EPHA3: variants seen among roughly 807,000 people sequenced by gnomAD.
EPHA3 encodes EPH receptor A3, also known as ephrin type-A receptor 3.
A neutral mutation model predicts 107.1 loss-of-function variants in EPHA3; 42 were observed. The observed-to-expected ratio is 0.39, with a 90% CI of 0.31 to 0.51. EPHA3 has a LOEUF of 0.51. EPHA3 is among the 20% of genes least tolerant of loss of function. The probability of loss-of-function intolerance (pLI) is 0.78; values close to 1 mark genes in which losing one functional copy is unlikely to be tolerated. For synonymous variants in EPHA3, 461 were observed against 424.8 expected (o/e 1.09, Z -1.05); for missense variants, 1,183 against 1,211.2 (o/e 0.98, Z 0.35).
intron 2 of EPHA3, among the ~76,000 whole-genome samples, chr3:89,172,517 ACTC>A (rs1337618313): frequency 6.6e-6 from 1 of 152,036 alleles, no homozygotes; most frequent in East Asian, 1.9e-4. Flanking sequence ...CTAGGGCTGT[ACTC>A]CTCTGACATA....
chr3:89,319,065 G>A (rs539642665), intron 3 of EPHA3, among the ~76,000 whole-genome samples: 1 of 151,930 alleles, frequency 6.6e-6, no homozygotes, highest in South Asian at 2.1e-4. Context: ...TTCACCATTT[G>A]TCATTTTCTG....
At chr3:89,120,968 G>A (rs960378983) in intron 1 of EPHA3, among the ~76,000 whole-genome samples, 3 of 152,148 alleles carry the variant, frequency 2.0e-5, no homozygotes, top group African/African-American at 4.8e-5. Context: ...AGCCTGGCAC[G>A]GTGGCTCACA....
intron 5 of EPHA3, among the ~76,000 whole-genome samples, chr3:89,384,233 G>A (rs1374390963): frequency 6.6e-6 from 1 of 151,972 alleles, no homozygotes; most frequent in Non-Finnish European, 1.5e-5. Context: ...GTGGAAACCA[G>A]TGAATTAAGA....
At chr3:89,118,706 T>C (rs1480571754) in intron 1 of EPHA3, among the ~76,000 whole-genome samples, 1 of 151,900 alleles carries the variant, frequency 6.6e-6, no homozygotes, top group Non-Finnish European at 1.5e-5. Context: ...ATTATAATAA[T>C]TTATTGTCTG....
chr3:89,309,379 C>G (rs1468978839), intron 3 of EPHA3, among the ~76,000 whole-genome samples: 1 of 152,068 alleles, frequency 6.6e-6, no homozygotes, highest in Non-Finnish European at 1.5e-5. Context: ...ATTTAGAAAC[C>G]TCTGGAAAAG....
intron 5 of EPHA3, among the ~76,000 whole-genome samples, chr3:89,394,716 A>G (rs575539517): frequency 6.6e-6 from 1 of 152,368 alleles, no homozygotes; most frequent in African/African-American, 2.4e-5. Flanking sequence ...TGTGGGAAAT[A>G]CAAATACATG....
At chr3:89,334,711 G>C (rs188555863) in intron 3 of EPHA3, among the ~76,000 whole-genome samples, 1 of 152,070 alleles carries the variant, frequency 6.6e-6, no homozygotes, top group African/African-American at 2.4e-5. Flanking sequence ...CTCTAATCTG[G>C]GAATACGTAA....
intron 5 of EPHA3, among the ~76,000 whole-genome samples, chr3:89,378,267 A>C (rs182711209): frequency 6.6e-6 from 1 of 152,136 alleles, no homozygotes; most frequent in South Asian, 2.1e-4. Flanking sequence ...ATAATAAAAA[A>C]TTTTTTAAGT....
At chr3:89,151,740 G>A (rs1431871874) in intron 2 of EPHA3, among the ~76,000 whole-genome samples, 1 of 152,006 alleles carries the variant, frequency 6.6e-6, no homozygotes, top group Non-Finnish European at 1.5e-5. Flanking sequence ...ATGGATATGT[G>A]TATAAACGCA....
chr3:89,423,487 CA>C (rs1709393449), intron 11 of EPHA3, among the ~76,000 whole-genome samples: 3 of 151,380 alleles, frequency 2.0e-5, no homozygotes, highest in African/African-American at 7.2e-5. Context: ...TCTTAAAAGA[CA>C]ATACATACGT....
intron 2 of EPHA3, among the ~76,000 whole-genome samples, chr3:89,197,773 C>T (rs1430316228): frequency 2.0e-5 from 3 of 151,970 alleles, no homozygotes; most frequent in Admixed American, 6.6e-5. Flanking sequence ...GTCAGGAATT[C>T]GAGACTAGCC....
intron 2 of EPHA3, among the ~76,000 whole-genome samples, chr3:89,141,342 G>A (rs1260819691): frequency 2.0e-5 from 3 of 151,546 alleles, no homozygotes. Context: ...AGAGAAAGAG[G>A]TCTAACAAGA....
intron 3 of EPHA3, among the ~76,000 whole-genome samples, chr3:89,333,150 C>A (rs141232531): frequency 3.3e-5 from 5 of 152,290 alleles, no homozygotes; most frequent in African/African-American, 1.2e-4. Flanking sequence ...GGAAGCTCTT[C>A]CATAATGATT....
At chr3:89,292,564 G>T (rs796641485) in intron 3 of EPHA3, among the ~76,000 whole-genome samples, 33 of 152,206 alleles carry the variant, frequency 2.2e-4, no homozygotes, top group African/African-American at 7.7e-4. Flanking sequence ...TCCTTGAAAA[G>T]ACTTTATTAA....
At chr3:89,201,895 C>T (rs979058020) in intron 2 of EPHA3, among the ~76,000 whole-genome samples, 1 of 152,110 alleles carries the variant, frequency 6.6e-6, no homozygotes, top group African/African-American at 2.4e-5. Context: ...AGTACTTGTC[C>T]ACATATCCAC....
chr3:89,361,202 G>C (rs1186264204), intron 5 of EPHA3, among the ~76,000 whole-genome samples: 1 of 150,920 alleles, frequency 6.6e-6, no homozygotes, highest in African/African-American at 2.4e-5. Context: ...TACAGAGAAG[G>C]CCTTCTTGTA....
Position 89,449,281 on chromosome 3 carries a change from C to A in EPHA3, c.2403C>A (p.Phe801Leu). ...CAGAAGCTATAGCCTACCGCAAGTT[C>A]ACGTCAGCCAGCGATGTATGGAGTT... ...TSPEAIAYRKFTSASDVWSYG... is the reference protein window; with the variant it reads ...TSPEAIAYRKLTSASDVWSYG... The change falls in exon 14 of 17, where the codon TTC becomes TTA. Residue 801 changes from phenylalanine (F) to leucine (L), a missense_variant. Transcript: ENST00000336596. The A allele has an allele frequency of 1.2e-6, 2 of 1,612,164 alleles. No homozygotes were observed. Among genetic ancestry groups the A allele is most frequent in the Non-Finnish European group, 1.7e-6 (2 of 1,178,702 alleles).
chr3:89,409,391 T>A (rs1026891500), intron 9 of EPHA3, among the ~76,000 whole-genome samples: 3 of 152,046 alleles, frequency 2.0e-5, no homozygotes, highest in African/African-American at 7.2e-5. Flanking sequence ...CACCCTCAAT[T>A]TGACTTGGAC....
At chr3:89,460,953 T>G in intron 15 of EPHA3, among the ~76,000 whole-genome samples, 1 of 125,184 alleles carries the variant, frequency 8.0e-6, no homozygotes, top group Admixed American at 7.9e-5. Context: ...ATTAGGTATA[T>G]CTCCCAATGC....
Sources: allele counts gnomAD v4.1 joint callset (sites outside exome capture counted in the v4.1 genomes callset), GRCh38; gene constraint gnomAD v4.1.1; transcripts MANE v1.5; gene names NCBI Gene and HGNC (gene_info 2026-07-23, HGNC 2026-07-21).